Variants in KCNG3 observed in about 807,000 individuals in gnomAD.
The protein encoded by KCNG3 is potassium voltage-gated channel modifier subfamily G member 3, also known as voltage-gated potassium channel regulatory subunit KCNG3.
A neutral mutation model predicts 29.0 loss-of-function variants in KCNG3; 15 were observed. The observed-to-expected ratio is 0.52, with a 90% confidence interval of 0.35 to 0.80. The LOEUF is 0.80. Among genes scored for constraint, KCNG3 ranks in the 30% least tolerant of loss-of-function variants. KCNG3 has a pLI of 0.01. For missense variants in KCNG3, 512 were observed against 605.7 expected (o/e 0.85, Z 1.62); for synonymous variants, 322 against 248.9 (o/e 1.29, Z -2.76).
the KCNG3 span, among the ~76,000 whole-genome samples, chr2:42,415,876 A>C: frequency 6.6e-6 from 1 of 152,196 alleles, no homozygotes; most frequent in East Asian, 1.9e-4. Context: ...TCATATGTGG[A>C]ATCTATAACA....
chr2:42,397,255 AAG>A, the KCNG3 span, among the ~76,000 whole-genome samples: 1 of 152,082 alleles, frequency 6.6e-6, no homozygotes, highest in East Asian at 1.9e-4. Context: ...AAAAAAAAAA[AAG>A]AGAAAAAAAA....
chr2:42,447,525 T>A (rs1260392029), intron 1 of KCNG3, among the ~76,000 whole-genome samples: 6 of 151,960 alleles, frequency 3.9e-5, no homozygotes, highest in Admixed American at 3.9e-4. Flanking sequence ...TATTCTTTTT[T>A]TTTTTTTGAA....
intron 1 of KCNG3, among the ~76,000 whole-genome samples, chr2:42,468,932 C>T (rs549463563): frequency 6.4e-5 from 7 of 108,632 alleles, no homozygotes; most frequent in East Asian, 3.0e-4. Context: ...ACAGCCTGGG[C>T]GACACAGCAA....
Position 42,444,427 on chromosome 2 carries a change from A to G in KCNG3, c.818T>C (p.Val273Ala). ...TPYYISVLMT[V>A]FTGENSQLQR... is the part of the protein sequence containing the mutation. ...GAGTTGAGAGTTCTCGCCTGTAAAC[A>G]CTGTCATCAACACAGAGATGTAATA... The change falls in exon 2 of 2, where the codon GTG (valine) becomes GCG (alanine). Residue 273 changes from valine (V) to alanine (A), a missense_variant. Coordinates refer to ENST00000306078, the MANE Select transcript of KCNG3 (RefSeq NM_133329.6). This position sits in a 1 kb window ranked among gnomAD's most constrained non-coding sequence, Gnocchi z 5.8. 6.2e-7 allele frequency: 1 copy of G among 1,614,166 alleles called. No individual in the cohort carries two copies. Among genetic ancestry groups the G allele is most frequent in the Non-Finnish European group, 8.5e-7 (1 of 1,180,040 alleles).
At chr2:42,434,485 A>AAG in the KCNG3 span, among the ~76,000 whole-genome samples, 23 of 123,322 alleles carry the variant, frequency 1.9e-4, no homozygotes, top group South Asian at 2.7e-4. Flanking sequence ...AAAAAAAAAA[A>AAG]AGAGAGAGAG....
chr2:42,453,319 A>AG (rs2103676648), intron 1 of KCNG3, among the ~76,000 whole-genome samples: 1 of 152,280 alleles, frequency 6.6e-6, no homozygotes, highest in South Asian at 2.1e-4. Context: ...TTCCACTAAC[A>AG]GTGTATGAGG....
the KCNG3 span, among the ~76,000 whole-genome samples, chr2:42,424,208 C>T: frequency 2.6e-5 from 4 of 152,192 alleles, no homozygotes; most frequent in Non-Finnish European, 5.9e-5. Context: ...TTACATTGCT[C>T]TTGTAGCTGA....
the KCNG3 span, among the ~76,000 whole-genome samples, chr2:42,433,600 G>A: frequency 3.3e-5 from 5 of 152,196 alleles, no homozygotes; most frequent in Non-Finnish European, 7.4e-5. Flanking sequence ...TTAGCCAGGC[G>A]TGGTAGCGCA....
In KCNG3 at chr2:42,492,855, G is replaced by A. The variant is rs1319707100; in HGVS notation, c.647C>T (p.Pro216Leu). The change falls in exon 1 of 2, where the codon CCT becomes CTT. Residue 216 changes from proline (P) to leucine (L), a missense_variant. Transcript: ENST00000306078. ...LDDRSRYSAG[P>L]GREPSGIIEA... ...GTCCTACCCGGAGGGCTCCCTCCCA[G>A]GGCCGGCGGAGTACCTGCTCCGGTC... 1.3e-6 allele frequency: 2 copies of A among 1,507,486 alleles called. No homozygotes were observed. Among genetic ancestry groups the A allele is most frequent in the Non-Finnish European group, 1.8e-6 (2 of 1,132,664 alleles). 93.4% of individuals were successfully genotyped at this position (1,507,486 alleles called of 1,614,324 possible). A position where few individuals can be genotyped will look rare whatever the true frequency, so the allele number is the denominator to read the frequency against.
the KCNG3 span, among the ~76,000 whole-genome samples, chr2:42,390,533 G>A: frequency 4.6e-5 from 7 of 152,180 alleles, no homozygotes; most frequent in Admixed American, 1.3e-4. Flanking sequence ...AAAAGTGAAC[G>A]AAGGAGTGAG....
the KCNG3 span, among the ~76,000 whole-genome samples, chr2:42,424,419 T>C: frequency 1.3e-5 from 2 of 148,258 alleles, no homozygotes; most frequent in East Asian, 2.0e-4. Flanking sequence ...ACTATGAAAA[T>C]TCCCCCTCCG....
chr2:42,458,501 T>C (rs1023831241), intron 1 of KCNG3, among the ~76,000 whole-genome samples: 11 of 151,724 alleles, frequency 7.3e-5, no homozygotes, highest in African/African-American at 2.7e-4. Context: ...TGACTGCAAA[T>C]GCAAAGGCAA....
intron 1 of KCNG3, among the ~76,000 whole-genome samples, chr2:42,457,627 T>TCACTCACACACACACA (rs1553327821): frequency 8.0e-6 from 1 of 125,434 alleles, no homozygotes; most frequent in Non-Finnish European, 1.7e-5. Context: ...CAGGCAGATC[T>TCACTCACACACACACA]CACACACACA....
chr2:42,396,274 G>A, the KCNG3 span, among the ~76,000 whole-genome samples: 1 of 152,138 alleles, frequency 6.6e-6, no homozygotes, highest in Non-Finnish European at 1.5e-5. Flanking sequence ...TATACGTGAA[G>A]CATCTAATGT....
intron 1 of KCNG3, among the ~76,000 whole-genome samples, chr2:42,453,751 G>A (rs190838422): frequency 2.4e-3 from 370 of 152,264 alleles, no homozygotes; most frequent in African/African-American, 8.3e-3. Context: ...GGTTGCCTAT[G>A]CTGGTGGGGT....
the KCNG3 span, among the ~76,000 whole-genome samples, chr2:42,408,212 C>G: frequency 6.6e-6 from 1 of 152,104 alleles, no homozygotes; most frequent in Non-Finnish European, 1.5e-5. Context: ...TGAACAGCAG[C>G]GGGAGGCAAG....
the KCNG3 span, among the ~76,000 whole-genome samples, chr2:42,425,449 G>A: frequency 6.6e-6 from 1 of 151,844 alleles, no homozygotes; most frequent in South Asian, 2.1e-4. Context: ...TCCAGGAAGT[G>A]GGGATGCGGG....
At chr2:42,457,627 TCACACACACA>T (rs56251665) in intron 1 of KCNG3, among the ~76,000 whole-genome samples, 72 of 125,518 alleles carry the variant, frequency 5.7e-4, no homozygotes, top group Admixed American at 1.1e-3. Flanking sequence ...CAGGCAGATC[TCACACACACA>T]CACACACACA....
chr2:42,448,542 A>G (rs562331515), intron 1 of KCNG3, among the ~76,000 whole-genome samples: 2 of 152,210 alleles, frequency 1.3e-5, no homozygotes, highest in South Asian at 2.1e-4. Context: ...TCACTCAGGT[A>G]TATCTGATCG....
Sources: allele counts gnomAD v4.1 joint callset (sites outside exome capture counted in the v4.1 genomes callset), GRCh38; gene constraint gnomAD v4.1.1; non-coding constraint Gnocchi (gnomAD v3.1); transcripts MANE v1.5; gene names NCBI Gene and HGNC (gene_info 2026-07-23, HGNC 2026-07-21).